Variants in HIP1 observed in about 807,000 individuals in gnomAD.
HIP1 encodes the protein huntingtin-interacting protein 1.
In HIP1, 65 loss-of-function variants were observed where a neutral mutation model predicts 147.6. The ratio of observed to expected loss-of-function variants is 0.44; its 90% CI spans 0.36 to 0.54. HIP1 has a LOEUF of 0.54. Ranked by LOEUF, HIP1 falls within the 20% of genes least tolerant of loss-of-function variation. HIP1 has a pLI of 0.00. For synonymous variants in HIP1, 479 were observed against 504.0 expected (o/e 0.95, Z 0.67); for missense variants, 1,061 against 1,299.6 (o/e 0.82, Z 2.82).
intron 1 of HIP1, among the ~76,000 whole-genome samples, chr7:75,676,800 C>T (rs2525472): frequency 0.57 from 85,038 of 150,126 alleles, 24,507 homozygotes; most frequent in African/African-American, 0.66. Context: ...AAAAGCCCCC[C>T]ATGGACATCT....
intron 1 of HIP1, among the ~76,000 whole-genome samples, chr7:75,689,436 G>T (rs60264175): frequency 0.28 from 41,875 of 151,546 alleles, 6,440 homozygotes; most frequent in Non-Finnish European, 0.34. Flanking sequence ...ACTGGGAGGG[G>T]GAGGTTGCAG....
chr7:75,556,139 C>T lies in HIP1; in HGVS notation c.1714G>A (p.Glu572Lys), dbSNP rs61737117. 4 of 1,614,132 alleles carry T rather than the reference C, an allele frequency of 2.5e-6. No individual in the cohort carries two copies. Among genetic ancestry groups the T allele is most frequent in the Middle Eastern group, 3.3e-4 (2 of 6,062 alleles). The change falls in exon 18 of 31, where the codon GAG (glutamate) becomes AAG (lysine). Residue 572 changes from glutamate to lysine, a missense_variant. Glu to Lys is a moderately conservative substitution (Grantham distance 56, BLOSUM62 1). Around this residue, in one of 3 missense-constraint regions of HIP1, gnomAD observed 810 missense variants for 946.8 expected, o/e 0.86. Transcript: ENST00000336926. ...AGGCTGTCCCGCTCCTTCTCTAGCT[C>T]GGCGAACTCGGCTGCCCAGTTTGCT... ...SEANWAAEFAELEKERDSLVS... is the reference protein window; with the variant it reads ...SEANWAAEFAKLEKERDSLVS...
intron 8 of HIP1, among the ~76,000 whole-genome samples, chr7:75,573,204 A>T (rs587768628): frequency 4.6e-5 from 7 of 152,274 alleles, no homozygotes; most frequent in Admixed American, 3.9e-4. Context: ...TGGGACGACC[A>T]GCTACAGAGA....
At chr7:75,706,222 G>A (rs2117338724) in intron 1 of HIP1, among the ~76,000 whole-genome samples, 1 of 152,220 alleles carries the variant, frequency 6.6e-6, no homozygotes, top group African/African-American at 2.4e-5. Flanking sequence ...GGAACCACCT[G>A]ACTGTTTTCT....
intron 1 of HIP1, among the ~76,000 whole-genome samples, chr7:75,662,378 A>G (rs931599689): frequency 1.3e-5 from 2 of 151,940 alleles, no homozygotes; most frequent in Non-Finnish European, 2.9e-5. Context: ...AGGTCTTGCT[A>G]TGTTGTCCTA....
chr7:75,551,764 G>A (rs1202884647), intron 22 of HIP1, among the ~76,000 whole-genome samples: 1 of 147,870 alleles, frequency 6.8e-6, no homozygotes, highest in African/African-American at 2.5e-5. Context: ...GAGACAGGGC[G>A]CCACTAAGTT....
At chr7:75,553,805 T>C (rs1554492606) in intron 21 of HIP1, among the ~76,000 whole-genome samples, 2 of 152,204 alleles carry the variant, frequency 1.3e-5, no homozygotes, top group Non-Finnish European at 1.5e-5. Context: ...GGTTTCGCCA[T>C]GTTGGCCAGG....
intron 1 of HIP1, among the ~76,000 whole-genome samples, chr7:75,670,052 C>T (rs926914438): frequency 3.3e-5 from 5 of 152,196 alleles, no homozygotes; most frequent in African/African-American, 4.8e-5. Context: ...CCACCTGCCT[C>T]AGCCTCCCAA....
chr7:75,654,219 AC>A (rs1237817554), intron 1 of HIP1, among the ~76,000 whole-genome samples: 1 of 151,758 alleles, frequency 6.6e-6, no homozygotes, highest in African/African-American at 2.4e-5. Context: ...ACATGATGAA[AC>A]CCCATCTCTA....
chr7:75,672,225 G>C (rs557531703), intron 1 of HIP1, among the ~76,000 whole-genome samples: 29 of 151,820 alleles, frequency 1.9e-4, no homozygotes, highest in Middle Eastern at 3.4e-3. Flanking sequence ...TTTTGTTATT[G>C]AGTTTTAGGA....
At chr7:75,558,030 G>T (rs1795082933) in intron 15 of HIP1, 137 bp downstream of exon 15, 4 of 722,724 alleles carry the variant, frequency 5.5e-6, no homozygotes, top group Non-Finnish European at 9.6e-6. Context: ...GCCTGAAAAG[G>T]TGTGGTTCCC....
At chr7:75,553,978 C>T in intron 21 of HIP1, 135 bp downstream of exon 21, 1 of 639,932 alleles carries the variant, frequency 1.6e-6, no homozygotes, top group South Asian at 1.9e-5. Context: ...CTCCCGACCT[C>T]AAGTGATCTG....
intron 1 of HIP1, among the ~76,000 whole-genome samples, chr7:75,638,389 G>C (rs1206663208): frequency 6.6e-6 from 1 of 151,862 alleles, no homozygotes; most frequent in Non-Finnish European, 1.5e-5. Context: ...GGTGGAGGTG[G>C]GGGTGGAGGG....
At chr7:75,543,066 T>C (rs1794397791) in intron 27 of HIP1, 92 bp from the exon 28 acceptor site, 1 of 1,386,056 alleles carries the variant, frequency 7.2e-7, no homozygotes, top group East Asian at 2.5e-5. Context: ...AGCAAACATA[T>C]GTGGGCCAAA....
At chr7:75,639,808 C>T (rs947114431) in intron 1 of HIP1, among the ~76,000 whole-genome samples, 1 of 152,114 alleles carries the variant, frequency 6.6e-6, no homozygotes, top group Non-Finnish European at 1.5e-5. Context: ...CAGTTGTTTG[C>T]CTCCTGCGGC....
chr7:75,609,269 C>A (rs962756072), intron 1 of HIP1, among the ~76,000 whole-genome samples: 13 of 152,132 alleles, frequency 8.5e-5, no homozygotes. Flanking sequence ...GAGGCAGAGC[C>A]CACTCTATGG....
In HIP1 at chr7:75,646,072, T is replaced by C. The variant is rs146323035; in HGVS notation, c.121-46825A>G. Among the ~76,000 whole-genome samples, 1,452 of 152,184 alleles carry C rather than the reference T, an allele frequency of 9.5e-3. 23 individuals are homozygous for C. The highest frequency in any genetic ancestry group is 0.032 in the African/African-American group (1,343 of 41,500). The stretch of plus-strand genomic sequence containing the variant: ...GTAACAAACCTGCACATGTACCCCC[T>C]GAATCTAAAATGAATTTTTTTTTTT... On this transcript the variant is annotated intron_variant, in intron 1 of 30. Coordinates refer to ENST00000336926, the MANE Select transcript of HIP1 (RefSeq NM_005338.7).
At chr7:75,664,081 CATATACACACAT>C (rs1406962563) in intron 1 of HIP1, among the ~76,000 whole-genome samples, 1 of 78,472 alleles carries the variant, frequency 1.3e-5, no homozygotes, top group Non-Finnish European at 2.9e-5. Context: ...TATACACACA[CATATACACACAT>C]ATGTGCATAC....
chr7:75,664,115 C>T lies in HIP1; in HGVS notation c.121-64868G>A, dbSNP rs182673361. On this transcript the variant is annotated intron_variant, in intron 1 of 30. Transcript: ENST00000336926. The stretch of plus-strand genomic sequence containing the variant: ...ACATATGTGCATACATACATGTATG[C>T]ATATATGCACACACATGTGTGTACA... Among the ~76,000 whole-genome samples, 3 of 72,378 alleles carry T rather than the reference C, an allele frequency of 4.1e-5. 1 individual carries two copies. Among genetic ancestry groups the T allele is most frequent in the Admixed American group, 2.7e-4 (2 of 7,376 alleles). The allele number at this position is 72,378 out of a possible 152,430, so 47.5% of individuals were successfully genotyped here.
Sources: allele counts gnomAD v4.1 joint callset (sites outside exome capture counted in the v4.1 genomes callset), GRCh38; gene constraint gnomAD v4.1.1; regional missense constraint gnomAD v4.1.1; transcripts MANE v1.5; gene names NCBI Gene and HGNC (gene_info 2026-07-23, HGNC 2026-07-21).